Variants in EYA4 observed in about 807,000 individuals in gnomAD.
EYA4 encodes the protein protein phosphatase EYA4.
A neutral mutation model predicts 87.9 loss-of-function variants in EYA4; 31 were observed. That is an observed-to-expected ratio of 0.35 (90% CI 0.27 to 0.48). The LOEUF (loss-of-function observed/expected upper bound fraction) is 0.48, where lower values mean the gene tolerates loss of function less well. Ranked by LOEUF, EYA4 falls within the 20% of genes least tolerant of loss-of-function variation. EYA4 has a pLI of 0.99. For missense variants in EYA4, 678 were observed against 761.4 expected, an observed-to-expected ratio of 0.89 and a Z score of 1.29; for synonymous variants, 263 against 270.6, an observed-to-expected ratio of 0.97 and a Z score of 0.28.
intron 18 of EYA4, among the ~76,000 whole-genome samples, chr6:133,523,617 G>C (rs1800377401): frequency 6.6e-6 from 1 of 152,074 alleles, no homozygotes. Flanking sequence ...TTATGTATCA[G>C]AAAACATAAT....
At chr6:133,310,069 C>T (rs1780103360) in intron 2 of EYA4, among the ~76,000 whole-genome samples, 1 of 152,174 alleles carries the variant, frequency 6.6e-6, no homozygotes. Context: ...CACCAGTGGC[C>T]TCAGTTATCA....
At position 133,444,548 on chromosome 6, in the gene EYA4, T is replaced by C. The variant is rs527979493; in HGVS notation, c.84-2082T>C. Among the ~76,000 whole-genome samples, 5 of 152,284 alleles carry C rather than the reference T, an allele frequency of 3.3e-5. No individual in the cohort carries two copies. The East Asian group carries it at 9.7e-4, about 29-fold the overall frequency. On this transcript the variant is annotated intron_variant, in intron 3 of 19. Transcript: ENST00000355286. ...GGCTGGATTCAGAGACGTTGATCTG[T>C]AGCACAGTTGCAGCAAAGGTCTCAG...
Position 133,515,626 on chromosome 6 carries a change from T to A in EYA4, c.1616+191T>A, listed in dbSNP as rs1176780294. On this transcript the variant is annotated intron_variant, in intron 17 of 19. Coordinates refer to ENST00000355286, the MANE Select transcript of EYA4 (RefSeq NM_004100.5). Reference sequence around the variant, plus strand: ...GAGAGAGAGAGTGTGTGTGTGAGTGTGTGTGTGTGTGTGTGTGTGTGTGTG... The same window carrying A: ...GAGAGAGAGAGTGTGTGTGTGAGTGAGTGTGTGTGTGTGTGTGTGTGTGTG... Among the ~76,000 whole-genome samples, 35 of 42,364 alleles carry A rather than the reference T, an allele frequency of 8.3e-4. 1 individual carries two copies. Among genetic ancestry groups the A allele is most frequent in the Admixed American group, 5.2e-3 (25 of 4,768 alleles). The allele number at this position is 42,364 out of a possible 152,430, so 27.8% of individuals were successfully genotyped here.
chr6:133,273,105 A>ATATATATATATAAATATATG (rs1776865258), intron 1 of EYA4, among the ~76,000 whole-genome samples: 3 of 147,874 alleles, frequency 2.0e-5, no homozygotes, highest in Admixed American at 1.4e-4. Context: ...ATGTATATAT[A>ATATATATATATAAATATATG]TATATATATA....
intron 11 of EYA4, among the ~76,000 whole-genome samples, chr6:133,480,936 G>C (rs1796157290): frequency 6.6e-6 from 1 of 151,986 alleles, no homozygotes; most frequent in Non-Finnish European, 1.5e-5. Flanking sequence ...CCAAGAAATG[G>C]GAGAGGTGGA....
In EYA4 at chr6:133,403,498, G is replaced by T. The variant is rs560257354; in HGVS notation, c.83+21057G>T. Among the ~76,000 whole-genome samples the T allele has an allele frequency of 3.3e-5, 5 of 152,194 alleles. No individual in the cohort carries two copies. The South Asian group carries it at 1.0e-3, about 32-fold the overall frequency. On this transcript the variant is annotated intron_variant, in intron 3 of 19. Coordinates refer to ENST00000355286, the MANE Select transcript of EYA4 (RefSeq NM_004100.5). Reference sequence around the variant, plus strand: ...CCACAGGGGGAAAAAATACAACTTTGTTCTTGTATGTTTAAGTCAAAGATA... The same window carrying T: ...CCACAGGGGGAAAAAATACAACTTTTTTCTTGTATGTTTAAGTCAAAGATA...
At chr6:133,392,601 C>G (rs572233734) in intron 3 of EYA4, among the ~76,000 whole-genome samples, 2 of 152,274 alleles carry the variant, frequency 1.3e-5, no homozygotes, top group East Asian at 1.9e-4. Context: ...GCATTACACA[C>G]TATTTTTTTC....
intron 3 of EYA4, among the ~76,000 whole-genome samples, chr6:133,443,096 C>T (rs1035269249): frequency 6.6e-6 from 1 of 151,336 alleles, no homozygotes; most frequent in African/African-American, 2.4e-5. Context: ...AAAATTGTTC[C>T]TTTCTGGTTT....
chr6:133,504,035 A>G (rs1045907930), intron 13 of EYA4, among the ~76,000 whole-genome samples: 2 of 152,174 alleles, frequency 1.3e-5, no homozygotes, highest in Non-Finnish European at 2.9e-5. Context: ...CTCGTGCCTC[A>G]GCATCCTGAG....
intron 11 of EYA4, among the ~76,000 whole-genome samples, chr6:133,480,382 G>A (rs1412864034): frequency 6.6e-6 from 1 of 152,192 alleles, no homozygotes; most frequent in Middle Eastern, 3.4e-3. Flanking sequence ...TATTTTTATC[G>A]CATTTTGGGG....
At chr6:133,275,490 T>G (rs376662203) in intron 2 of EYA4, among the ~76,000 whole-genome samples, 3 of 151,658 alleles carry the variant, frequency 2.0e-5, no homozygotes, top group East Asian at 3.9e-4. Context: ...CTCATGATGT[T>G]ACAAGTAACA....
intron 1 of EYA4, chr6:133,247,054 AT>A (rs1279427748): frequency 2.0e-5 from 3 of 152,220 alleles, no homozygotes; most frequent in African/African-American, 7.2e-5. Flanking sequence ...ATAACTAGAT[AT>A]TAGAAAAATT....
At position 133,264,908 on chromosome 6, in the gene EYA4, T is replaced by C. The variant is rs1346925073; in HGVS notation, c.-65-9808T>C. Reference sequence around the variant, plus strand: ...GTGCAGTGTCGTGATCATAGCTCACTGCAGCCTTGAACTCCTGGCCTCAAG... The same window carrying C: ...GTGCAGTGTCGTGATCATAGCTCACCGCAGCCTTGAACTCCTGGCCTCAAG... On this transcript the variant is annotated intron_variant, in intron 1 of 19. Coordinates refer to ENST00000355286, the MANE Select transcript of EYA4 (RefSeq NM_004100.5). Among the ~76,000 whole-genome samples the C allele has an allele frequency of 3.3e-5, 5 of 152,158 alleles. No individual in the cohort carries two copies. In the East Asian group the frequency reaches 9.7e-4, roughly 29 times the overall value.
intron 2 of EYA4, among the ~76,000 whole-genome samples, chr6:133,344,491 CA>C (rs1783050113): frequency 6.6e-6 from 1 of 152,058 alleles, no homozygotes; most frequent in Non-Finnish European, 1.5e-5. Flanking sequence ...TCTGGTTGGT[CA>C]AAACTTCAGG....
intron 1 of EYA4, among the ~76,000 whole-genome samples, chr6:133,246,101 G>C (rs972689461): frequency 6.6e-6 from 1 of 152,150 alleles, no homozygotes; most frequent in African/African-American, 2.4e-5. Context: ...ATAGTGATTT[G>C]AGACAGTTTC....
At chr6:133,263,200 CAG>C (rs1775935788) in intron 1 of EYA4, among the ~76,000 whole-genome samples, 1 of 152,164 alleles carries the variant, frequency 6.6e-6, no homozygotes, top group African/African-American at 2.4e-5. Context: ...AATAATGTAA[CAG>C]GAATATAAAC....
At chr6:133,386,312 TAATA>T (rs1786742777) in intron 3 of EYA4, among the ~76,000 whole-genome samples, 1 of 152,204 alleles carries the variant, frequency 6.6e-6, no homozygotes, top group Non-Finnish European at 1.5e-5. Flanking sequence ...TTGTTTAATG[TAATA>T]AATAGCTCCT....
At chr6:133,290,816 G>A (rs905073228) in intron 2 of EYA4, among the ~76,000 whole-genome samples, 1 of 152,136 alleles carries the variant, frequency 6.6e-6, no homozygotes, top group African/African-American at 2.4e-5. Context: ...TTGAAATGAG[G>A]TTTTTTGATT....
At chr6:133,262,262 A>G (rs914733230) in intron 1 of EYA4, among the ~76,000 whole-genome samples, 2 of 152,270 alleles carry the variant, frequency 1.3e-5, no homozygotes, top group Non-Finnish European at 2.9e-5. Context: ...AGAAAAAGGC[A>G]GATTGCTTCT....
Sources: allele counts gnomAD v4.1 joint callset (sites outside exome capture counted in the v4.1 genomes callset), GRCh38; gene constraint gnomAD v4.1.1; transcripts MANE v1.5; gene names NCBI Gene and HGNC (gene_info 2026-07-23, HGNC 2026-07-21).